SPIDR: variants seen among roughly 807,000 people sequenced by gnomAD.
SPIDR encodes scaffold protein involved in DNA repair.
In SPIDR, 93 loss-of-function variants were observed where a neutral mutation model predicts 104.6. The ratio of observed to expected loss-of-function variants is 0.89; its 90% confidence interval spans 0.75 to 1.06. The LOEUF (loss-of-function observed/expected upper bound fraction) is 1.06. Ranked by LOEUF, SPIDR falls within the 50% of genes least tolerant of loss-of-function variation. The pLI is 0.00. For synonymous variants in SPIDR, 431 were observed against 416.9 expected, an observed-to-expected ratio of 1.03 and a Z score of -0.41; for missense variants, 1,154 against 1,111.2, an observed-to-expected ratio of 1.04 and a Z score of -0.55.
intron 1 of SPIDR, among the ~76,000 whole-genome samples, chr8:47,262,689 C>CTA (rs1007866218): frequency 1.3e-5 from 2 of 152,220 alleles, no homozygotes; most frequent in Non-Finnish European, 2.9e-5. Context: ...CCTGTCTATT[C>CTA]ATTACATGGA....
chr8:47,271,038 G>C (rs1256190153), intron 1 of SPIDR, among the ~76,000 whole-genome samples: 1 of 152,116 alleles, frequency 6.6e-6, no homozygotes, highest in Non-Finnish European at 1.5e-5. Context: ...GTTCCTCAGG[G>C]TAGGGGGGTG....
intron 8 of SPIDR, among the ~76,000 whole-genome samples, chr8:47,502,770 A>C (rs189963943): frequency 8.7e-4 from 132 of 152,280 alleles, no homozygotes; most frequent in African/African-American, 3.0e-3. Context: ...TCTTATGGGC[A>C]TTTAGTGCTA....
chr8:47,587,773 C>G (rs1346062171), intron 8 of SPIDR, among the ~76,000 whole-genome samples: 1 of 150,782 alleles, frequency 6.6e-6, no homozygotes, highest in African/African-American at 2.4e-5. Context: ...AAAACAAAAA[C>G]AAACAAAAAT....
At chr8:47,415,683 A>G (rs2064157359) in intron 7 of SPIDR, among the ~76,000 whole-genome samples, 1 of 152,230 alleles carries the variant, frequency 6.6e-6, no homozygotes, top group Non-Finnish European at 1.5e-5. Flanking sequence ...CTCACTAGGC[A>G]CAGAGTCTGC....
chr8:47,637,947 C>CT (rs199741156), intron 10 of SPIDR, among the ~76,000 whole-genome samples: 39 of 151,568 alleles, frequency 2.6e-4, no homozygotes, highest in African/African-American at 8.0e-4. Flanking sequence ...CTCTTCTCTA[C>CT]TTTTTTTTTC....
intron 8 of SPIDR, among the ~76,000 whole-genome samples, chr8:47,516,659 T>A (rs1435987041): frequency 3.9e-5 from 6 of 152,246 alleles, no homozygotes; most frequent in Admixed American, 6.5e-5. Context: ...ACATTTTTTT[T>A]ATCCATTCAT....
intron 14 of SPIDR, among the ~76,000 whole-genome samples, chr8:47,707,252 CAAA>C (rs34372972): frequency 4.2e-5 from 4 of 95,416 alleles, no homozygotes; most frequent in Admixed American, 1.1e-4. Context: ...GACTCTTTCT[CAAA>C]AAAAAAAAAA....
At chr8:47,336,416 A>G (rs369866267) in intron 5 of SPIDR, among the ~76,000 whole-genome samples, 2 of 152,320 alleles carry the variant, frequency 1.3e-5, no homozygotes, top group South Asian at 2.1e-4. Flanking sequence ...ATTGGGTGCT[A>G]TGGCTGGGGA....
intron 5 of SPIDR, among the ~76,000 whole-genome samples, chr8:47,310,828 C>T (rs1293528859): frequency 6.6e-6 from 1 of 152,108 alleles, no homozygotes; most frequent in East Asian, 1.9e-4. Context: ...GCCAACTTAC[C>T]TACCTATTAA....
At chr8:47,449,368 G>A (rs1554704250) in intron 8 of SPIDR, among the ~76,000 whole-genome samples, 1 of 152,152 alleles carries the variant, frequency 6.6e-6, no homozygotes. Context: ...GAGAGGTTAT[G>A]ATTCCAAAAG....
At chr8:47,726,822 G>A (rs999216992) in intron 16 of SPIDR, among the ~76,000 whole-genome samples, 3 of 152,030 alleles carry the variant, frequency 2.0e-5, no homozygotes, top group African/African-American at 7.2e-5. Context: ...ACTCATTACT[G>A]TGTTAAGGAG....
chr8:47,639,978 C>T (rs752560115), intron 10 of SPIDR, among the ~76,000 whole-genome samples: 5 of 151,960 alleles, frequency 3.3e-5, no homozygotes, highest in Admixed American at 6.6e-5. Context: ...GGCTTTTAAG[C>T]AATACTGCCA....
At chr8:47,397,275 A>G (rs1160600121) in intron 6 of SPIDR, among the ~76,000 whole-genome samples, 2 of 152,160 alleles carry the variant, frequency 1.3e-5, no homozygotes, top group East Asian at 1.9e-4. Context: ...AGGTGGGTGG[A>G]TCACAAGGTC....
At chr8:47,565,540 A>G in intron 8 of SPIDR, among the ~76,000 whole-genome samples, 1 of 152,126 alleles carries the variant, frequency 6.6e-6, no homozygotes, top group East Asian at 1.9e-4. Flanking sequence ...TACAGAAAAA[A>G]ATAGTTTATA....
At chr8:47,684,126 CAAAAAAAAAAAA>C (rs748328609) in intron 11 of SPIDR, among the ~76,000 whole-genome samples, 7 of 38,150 alleles carry the variant, frequency 1.8e-4, no homozygotes, top group African/African-American at 6.3e-4. Flanking sequence ...GACTCTGTCT[CAAAAAAAAAAAA>C]AAAAAAAAAA....
At chr8:47,613,768 A>C (rs2063900758) in intron 10 of SPIDR, among the ~76,000 whole-genome samples, 1 of 152,154 alleles carries the variant, frequency 6.6e-6, no homozygotes, top group Non-Finnish European at 1.5e-5. Flanking sequence ...CTCATTGTCC[A>C]TTTGCATATC....
intron 8 of SPIDR, among the ~76,000 whole-genome samples, chr8:47,565,994 T>TATATATATATATATATA (rs1358462620): frequency 1.2e-4 from 3 of 25,948 alleles, no homozygotes; most frequent in Non-Finnish European, 2.8e-4. Context: ...ATATATATAT[T>TATATATATATATATATA]TTTTTTTTTT....
chr8:47,447,926 G>A (rs1415321876), intron 8 of SPIDR, among the ~76,000 whole-genome samples: 4 of 152,134 alleles, frequency 2.6e-5, no homozygotes, highest in Admixed American at 2.6e-4. Context: ...TAGATACAAT[G>A]CTGTTGCACA....
chr8:47,452,861 G>C (rs976051667), intron 8 of SPIDR, among the ~76,000 whole-genome samples: 1 of 152,136 alleles, frequency 6.6e-6, no homozygotes, highest in Non-Finnish European at 1.5e-5. Context: ...GTTCTGGCCA[G>C]GGTAGTCAGG....
Sources: gnomAD v4.1 joint callset for allele counts (sites outside exome capture counted in the v4.1 genomes callset) on GRCh38, gnomAD v4.1.1 for gene constraint, MANE v1.5 for transcripts, NCBI Gene and HGNC (gene_info 2026-07-23, HGNC 2026-07-21) for gene names.